Variants in CLSPN observed in about 807,000 individuals in gnomAD.
CLSPN encodes claspin homolog.
Under a neutral mutation model 156.3 loss-of-function variants are expected in CLSPN, and 85 were observed. That is an observed-to-expected ratio of 0.54 (90% CI 0.46 to 0.65). The LOEUF (loss-of-function observed/expected upper bound fraction) is 0.65, where lower values mean the gene tolerates loss of function less well. CLSPN is among the 30% of genes least tolerant of loss of function. The pLI, the probability that CLSPN is intolerant of heterozygous loss-of-function variation, is 0.00. For missense variants in CLSPN, 1,407 were observed against 1,554.9 expected (o/e 0.90, Z 1.60); for synonymous variants, 534 against 542.4 (o/e 0.98, Z 0.22).
rs1239585223 is a variant in CLSPN, at chr1:35,746,020, A to G, written c.2855-458T>C. Among the ~76,000 whole-genome samples, 1 of 151,542 alleles carries G rather than the reference A, an allele frequency of 6.6e-6. No homozygotes were observed. The highest frequency in any genetic ancestry group is 6.6e-5 in the Admixed American group (1 of 15,200). On this transcript the variant is annotated intron_variant, in intron 15 of 24. Coordinates refer to ENST00000318121, the MANE Select transcript of CLSPN (RefSeq NM_022111.4). The surrounding 1 kb of genome is among the most constrained non-coding windows in gnomAD (Gnocchi z 4.2). The stretch of plus-strand genomic sequence containing the variant: ...GAGTGCAGTGGCACAATCTCGGCTC[A>G]CTGCAACCTCCACCTCCGGGGTTCA...
chr1:35,752,850 A>G (rs1642139978), intron 9 of CLSPN, among the ~76,000 whole-genome samples: 1 of 152,248 alleles, frequency 6.6e-6, no homozygotes, highest in Non-Finnish European at 1.5e-5. Flanking sequence ...GTTCAATGTC[A>G]CACACATTCA....
chr1:35,734,945 G>C lies in CLSPN; in HGVS notation c.*1551C>G. ...ATTCTGAGAAGCTTGTGGTAGTTCA[G>C]GGAAAATGGAGAATGATGGCAATTC... is the stretch of plus-strand genomic sequence containing the variant. On this transcript the variant is annotated 3_prime_UTR_variant, in exon 25 of 25. Transcript: ENST00000318121. 2.0e-6 allele frequency: 2 copies of C among 985,396 alleles called. No individual in the cohort carries two copies. Among genetic ancestry groups the C allele is most frequent in the Non-Finnish European group, 2.4e-6 (2 of 829,916 alleles). The allele number at this position is 985,396 out of a possible 1,614,324, so 61.0% of individuals were successfully genotyped here.
intron 17 of CLSPN, 48 bp downstream of exon 17, chr1:35,743,407 G>T: frequency 6.7e-7 from 1 of 1,495,830 alleles, no homozygotes; most frequent in Non-Finnish European, 9.3e-7. Flanking sequence ...CTTGAGGGCA[G>T]CAATACATGG....
chr1:35,753,923 C>T lies in CLSPN; in HGVS notation c.1593G>A (p.Leu531=). The stretch of plus-strand genomic sequence containing the variant: ...TAGCATGCTTCCAGAAACGCTGCTT[C>T]AAGGCTTCCAGTTCTAAACCCAAAC... ...EPETNRELEA[L]KQRFWKHANP... Residue 531 remains leucine (L), a synonymous_variant, in exon 9 of 25, where the codon TTG becomes TTA. Transcript: ENST00000318121. 6.2e-7 allele frequency: 1 copy of T among 1,614,160 alleles called. No individual in the cohort carries two copies. Among genetic ancestry groups the T allele is most frequent in the South Asian group, 1.1e-5 (1 of 91,082 alleles).
intron 9 of CLSPN, among the ~76,000 whole-genome samples, chr1:35,752,647 G>A (rs1642134440): frequency 6.6e-6 from 1 of 150,616 alleles, no homozygotes; most frequent in Non-Finnish European, 1.5e-5. Flanking sequence ...CTGGAGTTAG[G>A]TGGTCTGGAT....
rs766831441 is a variant in CLSPN, at chr1:35,738,111, AAAAT to A, written c.3559-18_3559-15del. The A allele has an allele frequency of 1.9e-3, 1,166 of 616,410 alleles. 7 individuals are homozygous for A. The African/African-American group carries it at 0.036, about 19-fold the overall frequency. 38.2% of individuals were successfully genotyped at this position (616,410 alleles called of 1,614,324 possible). On this transcript the variant is annotated splice_polypyrimidine_tract_variant and intron_variant, in intron 21 of 24. Coordinates refer to ENST00000318121, the MANE Select transcript of CLSPN (RefSeq NM_022111.4). ...CCCCTGCTGTGCCTGAAAAAAAAAA[AAAAT>A]ATATATATATATATATATATATATA...
intron 14 of CLSPN, among the ~76,000 whole-genome samples, 165 bp from the exon 15 acceptor site, chr1:35,747,157 C>T (rs1460676191): frequency 6.6e-6 from 1 of 152,002 alleles, no homozygotes; most frequent in East Asian, 1.9e-4. Flanking sequence ...CCCGTCTCTA[C>T]TAAAAATACA....
At position 35,739,429 on chromosome 1, in the gene CLSPN, C is replaced by T. The variant is rs1311731193; in HGVS notation, c.3244G>A (p.Asp1082Asn). 6.8e-6 allele frequency: 11 copies of T among 1,613,998 alleles called. No homozygotes were observed. The highest frequency in any genetic ancestry group is 9.3e-6 in the Non-Finnish European group (11 of 1,179,982). Residue 1082 changes from aspartate to asparagine, a missense_variant, in exon 19 of 25, where the codon GAC becomes AAC. Asp to Asn is a conservative substitution (Grantham distance 23). This residue lies in a region of CLSPN where 70 missense variants were observed against 121.5 expected (regional missense o/e 0.58). Coordinates refer to ENST00000318121, the MANE Select transcript of CLSPN (RefSeq NM_022111.4). The part of the protein sequence containing the change: ...DGEEIDEYEE[D>N]VIDEVLPSDE... ...GAAGGAAGTACTTCATCAATTACGT[C>T]CTCTTCATATTCATCAATTTCTTCC...
intron 6 of CLSPN, 98 bp downstream of exon 6, chr1:35,761,900 A>T: frequency 1.3e-6 from 1 of 742,256 alleles, no homozygotes; most frequent in Non-Finnish European, 2.4e-6. Flanking sequence ...ACCTGAGTTC[A>T]CATTAGAAGT....
At chr1:35,754,978 C>G (rs1642223024) in intron 8 of CLSPN, among the ~76,000 whole-genome samples, 1 of 152,240 alleles carries the variant, frequency 6.6e-6, no homozygotes, top group South Asian at 2.1e-4. Context: ...TCCCTACTCA[C>G]TCTGCTTAAC....
chr1:35,760,995 A>C (rs746946825), intron 7 of CLSPN, 79 bp from the exon 8 acceptor site: 1 of 1,409,718 alleles, frequency 7.1e-7, no homozygotes, highest in South Asian at 1.2e-5. Flanking sequence ...ATATCAGTTA[A>C]ATCAGTTTTA....
downstream of CLSPN, among the ~76,000 whole-genome samples, chr1:35,731,537 C>T (rs1258047032): frequency 6.6e-6 from 1 of 152,120 alleles, no homozygotes; most frequent in Non-Finnish European, 1.5e-5. Flanking sequence ...TAAAGGTCGC[C>T]TCTGGCTGCT....
chr1:35,732,494 T>C lies in CLSPN; in HGVS notation c.*4002A>G. The C allele has an allele frequency of 5.1e-6, 5 of 985,442 alleles. No individual in the cohort carries two copies. Among genetic ancestry groups the C allele is most frequent in the South Asian group, 9.4e-5 (2 of 21,288 alleles). 61.0% of individuals were successfully genotyped at this position (985,442 alleles called of 1,614,324 possible). A position where few individuals can be genotyped will look rare whatever the true frequency, so the allele number is the denominator to read the frequency against. On this transcript the variant is annotated 3_prime_UTR_variant, in exon 25 of 25. Coordinates refer to ENST00000318121, the MANE Select transcript of CLSPN (RefSeq NM_022111.4). ...TAGAGCTTTGGTGAATAAAATCTTATGGTTTATGGAAGAGACCCTAGTATG... is the reference window on the plus strand; with the variant it reads ...TAGAGCTTTGGTGAATAAAATCTTACGGTTTATGGAAGAGACCCTAGTATG...
intron 20 of CLSPN, 110 bp downstream of exon 20, chr1:35,739,026 C>G (rs1189499160): frequency 5.3e-6 from 7 of 1,308,960 alleles, no homozygotes; most frequent in Non-Finnish European, 7.5e-6. Context: ...GTCCTGAACT[C>G]CTGACCTTGT....
At position 35,735,066 on chromosome 1, in the gene CLSPN, G is replaced by A; in HGVS notation, c.*1430C>T. ...CCATTGATTAGTGAGGGCAATGTATGTAAGCCAGAAGAATGCAATAAATAA... is the reference window on the plus strand; with the variant it reads ...CCATTGATTAGTGAGGGCAATGTATATAAGCCAGAAGAATGCAATAAATAA... On this transcript the variant is annotated 3_prime_UTR_variant, in exon 25 of 25. Transcript: ENST00000318121. 4.1e-6 allele frequency: 4 copies of A among 985,418 alleles called. No homozygotes were observed. Among genetic ancestry groups the A allele is most frequent in the South Asian group, 9.4e-5 (2 of 21,290 alleles). 61.0% of individuals were successfully genotyped at this position (985,418 alleles called of 1,614,324 possible). A position where few individuals can be genotyped will look rare whatever the true frequency, so the allele number is the denominator to read the frequency against.
chr1:35,754,782 T>C (rs1051134096), intron 8 of CLSPN, among the ~76,000 whole-genome samples: 20 of 152,268 alleles, frequency 1.3e-4, no homozygotes, highest in South Asian at 2.1e-4. Flanking sequence ...ACTAGTACAA[T>C]TGGTACAATG....
Position 35,743,029 on chromosome 1 carries a change from CGCCTGCTTCA to C in CLSPN, c.3143+102_3143+111del, listed in dbSNP as rs796246820. ...CTTGAACTCCTGACCTCAGGTGATC[CGCCTGCTTCA>C]GCCTCCCAAAATGATGGGATTACAG... On this transcript the variant is annotated intron_variant, in intron 18 of 24. Transcript: ENST00000318121. 1.8e-5 allele frequency: 14 copies of C among 767,924 alleles called. No homozygotes were observed. In the African/African-American group the frequency reaches 1.9e-4, roughly 10 times the overall value. The allele number at this position is 767,924 out of a possible 1,614,324, so 47.6% of individuals were successfully genotyped here.
At chr1:35,762,362 G>T in intron 5 of CLSPN, 42 bp downstream of exon 5, 1 of 1,434,186 alleles carries the variant, frequency 7.0e-7, no homozygotes. Flanking sequence ...AATCTCCTGT[G>T]TAAAGAGATC....
chr1:35,758,385 C>T (rs1425050148), intron 8 of CLSPN, among the ~76,000 whole-genome samples: 2 of 152,112 alleles, frequency 1.3e-5, no homozygotes, highest in Admixed American at 1.3e-4. Context: ...TGGCTCACAC[C>T]TGTAATCCCA....
Sources: allele counts gnomAD v4.1 joint callset (sites outside exome capture counted in the v4.1 genomes callset), GRCh38; gene constraint gnomAD v4.1.1; regional missense constraint gnomAD v4.1.1; non-coding constraint Gnocchi (gnomAD v3.1); transcripts MANE v1.5; gene names NCBI Gene and HGNC (gene_info 2026-07-23, HGNC 2026-07-21).